The following KCNN2 variants were observed in gnomAD, a reference collection of about 807,000 sequenced individuals.
KCNN2 encodes small conductance calcium-activated potassium channel protein 2.
In KCNN2, 24 loss-of-function variants were observed where a neutral mutation model predicts 55.5. The observed-to-expected ratio is 0.43, with a 90% confidence interval of 0.31 to 0.61. The LOEUF (loss-of-function observed/expected upper bound fraction) is 0.61. KCNN2 is among the 20% of genes least tolerant of loss of function. The probability of loss-of-function intolerance (pLI) is 0.08; values close to 1 mark genes in which losing one functional copy is unlikely to be tolerated. For missense variants in KCNN2, 754 were observed against 853.6 expected, an observed-to-expected ratio of 0.88 and a Z score of 1.45; for synonymous variants, 431 against 336.1, an observed-to-expected ratio of 1.28 and a Z score of -3.09.
chr5:114,463,305 C>T (rs1390598917), intron 4 of KCNN2, 115 bp downstream of exon 4: 1 of 759,796 alleles, frequency 1.3e-6, no homozygotes, highest in Non-Finnish European at 2.1e-6. Flanking sequence ...AGCAGGAAAT[C>T]AGTATAAATA....
chr5:114,090,984 T>G (rs1358402251), intron 1 of KCNN2, among the ~76,000 whole-genome samples: 1 of 152,102 alleles, frequency 6.6e-6, no homozygotes, highest in Non-Finnish European at 1.5e-5. Flanking sequence ...ACTACAGGCA[T>G]GTACCATGCC....
At chr5:114,467,854 A>G (rs1339607937) in intron 4 of KCNN2, among the ~76,000 whole-genome samples, 8 of 152,108 alleles carry the variant, frequency 5.3e-5, no homozygotes, top group Non-Finnish European at 1.2e-4. Context: ...TGCCCTTCCT[A>G]TCTCTGAAGT....
At chr5:114,108,169 G>C (rs757113773) in intron 1 of KCNN2, among the ~76,000 whole-genome samples, 1 of 151,834 alleles carries the variant, frequency 6.6e-6, no homozygotes, top group South Asian at 2.1e-4. Flanking sequence ...CTTATTTCAT[G>C]TGTAATGACA....
At chr5:114,070,951 A>G (rs924590062) in intron 1 of KCNN2, among the ~76,000 whole-genome samples, 1 of 152,216 alleles carries the variant, frequency 6.6e-6, no homozygotes, top group Non-Finnish European at 1.5e-5. Context: ...ACATATTCGT[A>G]TATTACCTGA....
chr5:114,212,251 C>A (rs1753902192), intron 1 of KCNN2, among the ~76,000 whole-genome samples: 1 of 151,964 alleles, frequency 6.6e-6, no homozygotes, highest in South Asian at 2.1e-4. Context: ...AGTAGTACTG[C>A]TAAACCTTGA....
intron 2 of KCNN2, among the ~76,000 whole-genome samples, chr5:114,263,229 G>T (rs900660240): frequency 6.6e-6 from 1 of 152,154 alleles, no homozygotes; most frequent in African/African-American, 2.4e-5. Context: ...ATGTGTGCAT[G>T]GGGTAGGGGT....
At chr5:114,241,808 A>ATG (rs1561537261) in intron 2 of KCNN2, among the ~76,000 whole-genome samples, 3 of 29,260 alleles carry the variant, frequency 1.0e-4, no homozygotes, top group African/African-American at 3.0e-4. Context: ...ATATATACGT[A>ATG]TATATATATA....
At chr5:114,487,020 T>C in intron 5 of KCNN2, 30 bp from the exon 6 acceptor site, 1 of 1,611,640 alleles carries the variant, frequency 6.2e-7, no homozygotes, top group South Asian at 1.1e-5. Flanking sequence ...CTCTGGAATT[T>C]ATCAACTGCT....
chr5:114,393,580 G>GT (rs935863831), intron 2 of KCNN2, among the ~76,000 whole-genome samples: 55 of 151,254 alleles, frequency 3.6e-4, no homozygotes, highest in African/African-American at 1.3e-3. Context: ...CATCTCCAAA[G>GT]TAAAAAAAAA....
At chr5:114,151,027 A>G (rs1001451007) in intron 1 of KCNN2, among the ~76,000 whole-genome samples, 3 of 152,086 alleles carry the variant, frequency 2.0e-5, no homozygotes, top group Non-Finnish European at 4.4e-5. Flanking sequence ...GTCTCAAAAC[A>G]AACAAACAAA....
At chr5:114,103,428 G>T (rs949501248) in intron 1 of KCNN2, among the ~76,000 whole-genome samples, 7 of 152,032 alleles carry the variant, frequency 4.6e-5, no homozygotes, top group Non-Finnish European at 8.8e-5. Context: ...TCTTTCTCTT[G>T]CCTGATTACC....
chr5:114,058,841 A>T (rs1034228214), intron 1 of KCNN2, among the ~76,000 whole-genome samples: 4 of 152,106 alleles, frequency 2.6e-5, no homozygotes, highest in Admixed American at 6.5e-5. Flanking sequence ...GGACTATCGG[A>T]GGGGCATTTG....
At chr5:114,203,305 G>A (rs970098929) in intron 1 of KCNN2, among the ~76,000 whole-genome samples, 3 of 152,170 alleles carry the variant, frequency 2.0e-5, no homozygotes, top group African/African-American at 7.2e-5. Flanking sequence ...GATAGGACAA[G>A]TCTAAAGTCT....
intron 3 of KCNN2, among the ~76,000 whole-genome samples, chr5:114,462,093 G>C (rs1761228857): frequency 6.6e-6 from 1 of 152,118 alleles, no homozygotes; most frequent in Admixed American, 6.5e-5. Context: ...TCTGCCCCAT[G>C]ACCACACAGA....
At chr5:114,261,390 G>T (rs149556579) in intron 2 of KCNN2, among the ~76,000 whole-genome samples, 91 of 152,150 alleles carry the variant, frequency 6.0e-4, no homozygotes, top group African/African-American at 2.2e-3. Flanking sequence ...TATTCCTACC[G>T]CCTACTCACC....
At chr5:114,357,889 T>C (rs1757328229), upstream of KCNN2, among the ~76,000 whole-genome samples, 1 of 151,606 alleles carries the variant, frequency 6.6e-6, no homozygotes, top group South Asian at 2.1e-4. Flanking sequence ...ACTTCCACAA[T>C]GGTTGAACTA....
chr5:114,056,759 T>C (rs979083704), intron 1 of KCNN2, among the ~76,000 whole-genome samples: 7 of 152,168 alleles, frequency 4.6e-5, no homozygotes, highest in African/African-American at 1.7e-4. Flanking sequence ...CTATCCTCCC[T>C]TCCGTCTTCC....
At chr5:114,479,763 G>A (rs10071731) in intron 5 of KCNN2, among the ~76,000 whole-genome samples, 152,304 of 152,308 alleles carry the variant, frequency 1, 76,150 homozygotes, top group Middle Eastern at 1. Flanking sequence ...AAATTGAACA[G>A]CCGGCTCCTG....
chr5:114,066,088 T>C (rs1331350920), intron 1 of KCNN2, among the ~76,000 whole-genome samples: 1 of 152,104 alleles, frequency 6.6e-6, no homozygotes, highest in Non-Finnish European at 1.5e-5. Context: ...GAGCTTAATC[T>C]TTCTGGAAAA....
Sources: gnomAD v4.1 joint callset for allele counts (sites outside exome capture counted in the v4.1 genomes callset) on GRCh38, gnomAD v4.1.1 for gene constraint, MANE v1.5 for transcripts, NCBI Gene and HGNC (gene_info 2026-07-23, HGNC 2026-07-21) for gene names.